Variants in CHD8 observed in about 807,000 individuals in gnomAD.
The protein encoded by CHD8 is ATP-dependent chromatin remodeler CHD8.
In CHD8, 31 loss-of-function variants were observed where a neutral mutation model predicts 279.2. The observed-to-expected ratio is 0.11, with a 90% CI of 0.08 to 0.15. The LOEUF (loss-of-function observed/expected upper bound fraction) is 0.15. CHD8 is among the 10% of genes least tolerant of loss of function. The probability of loss-of-function intolerance (pLI) is 1.00; values close to 1 mark genes in which losing one functional copy is unlikely to be tolerated. For synonymous variants in CHD8, 1,081 were observed against 1,139.6 expected (o/e 0.95, Z 1.04); for missense variants, 2,146 against 3,230.5 (o/e 0.66, Z 8.14).
chr14:21,388,077 A>T (rs1040217924), intron 37 of CHD8, among the ~76,000 whole-genome samples: 1 of 152,232 alleles, frequency 6.6e-6, no homozygotes, highest in African/African-American at 2.4e-5. Flanking sequence ...CGAGGCTAAC[A>T]GGGAAAACTG....
At position 21,403,733 on chromosome 14, in the gene CHD8, A is replaced by C; in HGVS notation, c.3308-70T>G. On this transcript the variant is annotated intron_variant, in intron 16 of 37. Transcript: ENST00000646647. This position sits in a 1 kb window ranked among gnomAD's most constrained non-coding sequence, Gnocchi z 4.3. ...ATTAAGGTTGTAGTCTATTTAACTAAGAAAGCAAAAGGAAAAAAATGTAAT... is the reference window on the plus strand; with the variant it reads ...ATTAAGGTTGTAGTCTATTTAACTACGAAAGCAAAAGGAAAAAAATGTAAT... 8.0e-7 allele frequency: 1 copy of C among 1,250,838 alleles called. No individual in the cohort carries two copies. Among genetic ancestry groups the C allele is most frequent in the Non-Finnish European group, 1.1e-6 (1 of 884,436 alleles). 77.5% of individuals were successfully genotyped at this position (1,250,838 alleles called of 1,614,324 possible). A position where few individuals can be genotyped will look rare whatever the true frequency, so the allele number is the denominator to read the frequency against.
intron 1 of CHD8, among the ~76,000 whole-genome samples, chr14:21,434,895 A>G (rs1184241442): frequency 6.6e-6 from 1 of 152,104 alleles, no homozygotes; most frequent in African/African-American, 2.4e-5. Context: ...CATACGGCCT[A>G]TTTATTCTAC....
rs1218913607 is a variant in CHD8, at chr14:21,405,961, ATTTC to A, written c.2908-101_2908-98del. The A allele has an allele frequency of 5.7e-6, 5 of 873,438 alleles. No homozygotes were observed. Among genetic ancestry groups the A allele is most frequent in the Non-Finnish European group, 8.3e-6 (5 of 602,380 alleles). 54.1% of individuals were successfully genotyped at this position (873,438 alleles called of 1,614,324 possible). A position where few individuals can be genotyped will look rare whatever the true frequency, so the allele number is the denominator to read the frequency against. On this transcript the variant is annotated intron_variant, in intron 14 of 37. Transcript: ENST00000646647. The surrounding 1 kb of genome is among the most constrained non-coding windows in gnomAD (Gnocchi z 4.2). ...TAATCTTTAACATATATAACCTTTA[ATTTC>A]TTTATCTATAAAATGATGAGAATGG... is the stretch of plus-strand genomic sequence containing the variant.
chr14:21,385,790 G>C lies in CHD8; in HGVS notation c.7569C>G (p.Thr2523=). ...APGYPSSPVT[T]ASGTTLRLPP... Reference sequence around the variant, plus strand: ...GCAACCGCAAGGTAGTACCAGAGGCGGTAGTCACTGGTGAAGAGGGGTAGC... The same window carrying C: ...GCAACCGCAAGGTAGTACCAGAGGCCGTAGTCACTGGTGAAGAGGGGTAGC... Residue 2523 remains threonine, a synonymous_variant, in exon 38 of 38, where the codon ACC becomes ACG. Transcript: ENST00000646647. 2 of 1,550,768 alleles carry C rather than the reference G, an allele frequency of 1.3e-6. No homozygotes were observed. The highest frequency in any genetic ancestry group is 1.7e-6 in the Non-Finnish European group (2 of 1,146,744).
In CHD8 at chr14:21,431,862, T is replaced by C; in HGVS notation, c.-215-4A>G. On this transcript the variant is annotated splice_polypyrimidine_tract_variant and splice_region_variant and intron_variant, in intron 1 of 37. Coordinates refer to ENST00000646647, the MANE Select transcript of CHD8 (RefSeq NM_001170629.2). ...TCAGAGGAAGATGGTGGAACTCCTG[T>C]TGTAGGAATACAAATACAAATGAAA... 3.1e-6 allele frequency: 5 copies of C among 1,600,632 alleles called. No homozygotes were observed. Among genetic ancestry groups the C allele is most frequent in the Non-Finnish European group, 4.3e-6 (5 of 1,167,682 alleles).
intron 5 of CHD8, among the ~76,000 whole-genome samples, chr14:21,423,330 T>C (rs1889138790): frequency 1.3e-5 from 2 of 152,192 alleles, no homozygotes; most frequent in Non-Finnish European, 2.9e-5. Context: ...CATCATCCCA[T>C]AGCAGGAAGG....
intron 1 of CHD8, among the ~76,000 whole-genome samples, chr14:21,452,152 T>C (rs1054190754): frequency 1.1e-4 from 16 of 152,238 alleles, no homozygotes; most frequent in African/African-American, 3.4e-4. Flanking sequence ...GTGATTCTCC[T>C]GCCTCAGCCT....
At chr14:21,398,213 C>T (rs1344096601) in intron 26 of CHD8, 1 of 222,492 alleles carries the variant, frequency 4.5e-6, no homozygotes, top group East Asian at 9.2e-5. Flanking sequence ...AGCCACCATG[C>T]CTTGCCTGCA....
intron 25 of CHD8, 46 bp downstream of exon 25, chr14:21,399,935 T>G: frequency 6.8e-7 from 1 of 1,472,212 alleles, no homozygotes; most frequent in Non-Finnish European, 9.5e-7. Flanking sequence ...CAATCTTCCC[T>G]CAAATAAGGT....
chr14:21,410,843 C>A (rs1888459636), intron 10 of CHD8, among the ~76,000 whole-genome samples: 1 of 152,182 alleles, frequency 6.6e-6, no homozygotes, highest in Non-Finnish European at 1.5e-5. Context: ...TGGAATTGAT[C>A]CAGCTGCTTG....
chr14:21,400,565 C>T lies in CHD8; in HGVS notation c.4418G>A (p.Arg1473His), dbSNP rs779590262. 105 of 1,605,998 alleles carry T rather than the reference C, an allele frequency of 6.5e-5. No homozygotes were observed. The highest frequency in any genetic ancestry group is 8.1e-5 in the Non-Finnish European group (96 of 1,178,094). Residue 1473 changes from arginine (R) to histidine (H), a missense_variant, in exon 23 of 38, where the codon CGT (arginine) becomes CAT (histidine). Arg to His is a conservative substitution (Grantham distance 29). This residue lies in a region of CHD8 where 73 missense variants were observed against 153.2 expected (regional missense o/e 0.48). Transcript: ENST00000646647. The surrounding 1 kb of genome is among the most constrained non-coding windows in gnomAD (Gnocchi z 4.2). ...DILSHGRFKRRMTERDVETIC... is the reference protein window; with the variant it reads ...DILSHGRFKRHMTERDVETIC... ...GGTCTCCACATCTCGTTCAGTCATA[C>T]GTCGCTTGAAGCGTCCATGAGATAA...
intron 5 of CHD8, among the ~76,000 whole-genome samples, chr14:21,421,773 T>A (rs1889055127): frequency 6.6e-6 from 1 of 152,104 alleles, no homozygotes; most frequent in Non-Finnish European, 1.5e-5. Context: ...TACCTCAGAA[T>A]GTGAGTGTAT....
intron 1 of CHD8, among the ~76,000 whole-genome samples, chr14:21,448,098 G>T (rs1890170945): frequency 1.3e-5 from 2 of 152,160 alleles, no homozygotes. Context: ...CAGCCTAATA[G>T]AAATATATAA....
In CHD8 at chr14:21,387,703, G is replaced by A. The variant is rs371531236; in HGVS notation, c.7183-1527C>T. Among the ~76,000 whole-genome samples the A allele has an allele frequency of 5.1e-4, 76 of 150,042 alleles. 1 individual carries two copies. Among genetic ancestry groups the A allele is most frequent in the Middle Eastern group, 3.5e-3 (1 of 284 alleles). ...TGGCTGCAATCCCAGTTACTCAGGAGGCTGAGGCAGGAGAATCACTTGAAC... is the reference window on the plus strand; with the variant it reads ...TGGCTGCAATCCCAGTTACTCAGGAAGCTGAGGCAGGAGAATCACTTGAAC... On this transcript the variant is annotated intron_variant, in intron 37 of 37. Transcript: ENST00000646647.
rs1333653260 is a variant in CHD8, at chr14:21,410,028, G to C, written c.2227-40C>G. On this transcript the variant is annotated intron_variant, in intron 10 of 37. Transcript: ENST00000646647. ...ACCAAAGCCTTAAGAAACTGATTCT[G>C]TGTTCTCTGCTCCAGTTAAAGAATA... is the stretch of plus-strand genomic sequence containing the variant. 6 of 1,569,742 alleles carry C rather than the reference G, an allele frequency of 3.8e-6. No homozygotes were observed. In the Admixed American group the frequency reaches 5.5e-5, roughly 14 times the overall value.
At chr14:21,410,951 C>T (rs1346495663) in intron 10 of CHD8, among the ~76,000 whole-genome samples, 2 of 152,072 alleles carry the variant, frequency 1.3e-5, no homozygotes, top group African/African-American at 4.8e-5. Flanking sequence ...CTATTTATTT[C>T]CACCATTAGG....
At chr14:21,452,044 G>C (rs979594504) in intron 1 of CHD8, among the ~76,000 whole-genome samples, 1 of 152,098 alleles carries the variant, frequency 6.6e-6, no homozygotes, top group African/African-American at 2.4e-5. Flanking sequence ...TGCAGTAAAT[G>C]TTTTGTTGTT....
At chr14:21,395,398 G>C (rs764484605) in intron 28 of CHD8, 46 bp from the exon 29 acceptor site, 47 of 1,420,318 alleles carry the variant, frequency 3.3e-5, no homozygotes, top group South Asian at 6.0e-5. Context: ...GGAGGGAAAG[G>C]GGGGGAAGTT....
rs1887560308 is a variant in CHD8 at position 21,391,896 on chromosome 14, T to G, written c.6822A>C (p.Gly2274=). The part of the protein sequence containing the change: ...TFQKHKLMAN[G]VMGDGHPLFH... Reference sequence around the variant, plus strand: ...ACAGTGGATGTCCATCTCCCATTACTCCATTCGCCATCAACTTGTGCTTCT... The same window carrying G: ...ACAGTGGATGTCCATCTCCCATTACGCCATTCGCCATCAACTTGTGCTTCT... Residue 2274 remains glycine (G), a synonymous_variant, in exon 35 of 38, where the codon GGA becomes GGC. Transcript: ENST00000646647. 1 of 1,613,998 alleles carries G rather than the reference T, an allele frequency of 6.2e-7. No individual in the cohort carries two copies. The highest frequency in any genetic ancestry group is 1.6e-4 in the Middle Eastern group (1 of 6,062).
Sources: gnomAD v4.1 joint callset for allele counts (sites outside exome capture counted in the v4.1 genomes callset) on GRCh38, gnomAD v4.1.1 for gene constraint, gnomAD v4.1.1 regional missense constraint, Gnocchi (gnomAD v3.1) non-coding constraint, MANE v1.5 for transcripts, NCBI Gene and HGNC (gene_info 2026-07-23, HGNC 2026-07-21) for gene names.